The following ZNF555 variants were observed in gnomAD, a reference collection of about 807,000 sequenced individuals.
The protein encoded by ZNF555 is zinc finger protein 555.
Under a neutral mutation model 14.0 loss-of-function variants are expected in ZNF555, and 10 were observed. The observed-to-expected ratio is 0.72, with a 90% CI of 0.44 to 1.21. The LOEUF is 1.21. Ranked by LOEUF, ZNF555 falls within the 50% of genes most tolerant of loss-of-function variation. The pLI is 0.00. For synonymous variants in ZNF555, 277 were observed against 262.4 expected (o/e 1.06, Z -0.54); for missense variants, 747 against 762.0 (o/e 0.98, Z 0.23).
Position 2,857,386 on chromosome 19 carries a change from T to G in ZNF555, c.*3434T>G, listed in dbSNP as rs901807853. 1 of 152,216 alleles carries G rather than the reference T, an allele frequency of 6.6e-6. No individual in the cohort carries two copies. The highest frequency in any genetic ancestry group is 1.5e-5 in the Non-Finnish European group (1 of 68,042). The allele number at this position is 152,216 out of a possible 1,614,324, so 9.4% of individuals were successfully genotyped here. A position where few individuals can be genotyped will look rare whatever the true frequency, so the allele number is the denominator to read the frequency against. The stretch of plus-strand genomic sequence containing the variant: ...ATATTGGGCATTGTCAAGACTTAAA[T>G]TTAGAACACTGGAAAGCAAGTATAA... On this transcript the variant is annotated 3_prime_UTR_variant, in exon 4 of 4. Transcript: ENST00000334241.
rs2087657133 is a variant in ZNF555, at chr19:2,853,584, C to G, written c.1519C>G (p.Leu507Val). Residue 507 changes from leucine (L) to valine (V), a missense_variant, in exon 4 of 4, where the codon CTC becomes GTC. Coordinates refer to ENST00000334241, the MANE Select transcript of ZNF555 (RefSeq NM_152791.5). Reference protein sequence around the residue: ...KHMRRHTAEKLYKCKQCGKAF... With the variant: ...KHMRRHTAEKVYKCKQCGKAF... ...TATGAGAAGACATACCGCAGAGAAA[C>G]TCTATAAATGCAAGCAGTGTGGGAA... 4 of 1,609,380 alleles carry G rather than the reference C, an allele frequency of 2.5e-6. No homozygotes were observed. The highest frequency in any genetic ancestry group is 1.7e-4 in the Middle Eastern group (1 of 6,026).
Position 2,855,304 on chromosome 19 carries a change from A to C in ZNF555, c.*1352A>C, listed in dbSNP as rs1321966327. 3 of 152,214 alleles carry C rather than the reference A, an allele frequency of 2.0e-5. No homozygotes were observed. Among genetic ancestry groups the C allele is most frequent in the African/African-American group, 7.2e-5 (3 of 41,448 alleles). The allele number at this position is 152,214 out of a possible 1,614,324, so 9.4% of individuals were successfully genotyped here. A position where few individuals can be genotyped will look rare whatever the true frequency, so the allele number is the denominator to read the frequency against. On this transcript the variant is annotated 3_prime_UTR_variant, in exon 4 of 4. Coordinates refer to ENST00000334241, the MANE Select transcript of ZNF555 (RefSeq NM_152791.5). ...CCTGTTTAGCTGGGCACAGTAGCTC[A>C]TGCCTGTAATCCCTGCACTTTGGGA... is the stretch of plus-strand genomic sequence containing the variant.
intron 1 of ZNF555, among the ~76,000 whole-genome samples, chr19:2,842,510 C>A (rs1031411019): frequency 2.0e-5 from 3 of 152,180 alleles, no homozygotes; most frequent in Non-Finnish European, 2.9e-5. Flanking sequence ...GAAATATATT[C>A]TTTCACGGTT....
At chr19:2,841,915 G>A (rs1436223255) in intron 1 of ZNF555, among the ~76,000 whole-genome samples, 1 of 151,682 alleles carries the variant, frequency 6.6e-6, no homozygotes, top group East Asian at 1.9e-4. Flanking sequence ...GCCTCGGAGC[G>A]TTTCGCTGCG....
rs1277021587 is a variant in ZNF555 at position 2,857,496 on chromosome 19, G to C, written c.*3544G>C. Reference sequence around the variant, plus strand: ...TTTTATAAGACATGGAAAAGGCAAAGATAAGGGAAACGAACAAATCGCTGG... The same window carrying C: ...TTTTATAAGACATGGAAAAGGCAAACATAAGGGAAACGAACAAATCGCTGG... On this transcript the variant is annotated 3_prime_UTR_variant, in exon 4 of 4. Transcript: ENST00000334241. 1 of 152,198 alleles carries C rather than the reference G, an allele frequency of 6.6e-6. No homozygotes were observed. The highest frequency in any genetic ancestry group is 1.5e-5 in the Non-Finnish European group (1 of 68,040). 9.4% of individuals were successfully genotyped at this position (152,198 alleles called of 1,614,324 possible).
chr19:2,850,888 T>C (rs564644144), intron 2 of ZNF555, among the ~76,000 whole-genome samples, 175 bp downstream of exon 2: 1 of 152,350 alleles, frequency 6.6e-6, no homozygotes, highest in East Asian at 1.9e-4. Flanking sequence ...AGAATGAGAA[T>C]CTGTATTTCA....
intron 1 of ZNF555, among the ~76,000 whole-genome samples, chr19:2,846,805 G>A (rs2087585826): frequency 6.6e-6 from 1 of 152,182 alleles, no homozygotes. Context: ...AGTCCAAATT[G>A]ACAGTTAAAA....
At chr19:2,850,998 G>A (rs949728726) in intron 2 of ZNF555, among the ~76,000 whole-genome samples, 5 of 123,600 alleles carry the variant, frequency 4.0e-5, no homozygotes, top group Non-Finnish European at 8.1e-5. Flanking sequence ...GTGAAAATTT[G>A]ATTTTTTTTT....
intron 2 of ZNF555, 45 bp from the exon 3 acceptor site, chr19:2,851,423 C>T: frequency 6.7e-7 from 1 of 1,500,524 alleles, no homozygotes; most frequent in Non-Finnish European, 8.9e-7. Context: ...TCGTTTTCCG[C>T]TAACAAGTGC....
Position 2,842,711 on chromosome 19 carries a change from A to C in ZNF555, c.3+1136A>C, listed in dbSNP as rs146503338. ...TTTTTTCGAGTCAGCAGTTTTTAGG[A>C]AGTGAAACGTACATTTAATTAGTAG... is the stretch of plus-strand genomic sequence containing the variant. On this transcript the variant is annotated intron_variant, in intron 1 of 3. Transcript: ENST00000334241. 5.6e-3 allele frequency among the ~76,000 whole-genome samples: 848 copies of C among 152,208 alleles called. 11 individuals carry two copies. Among genetic ancestry groups the C allele is most frequent in the African/African-American group, 0.02 (825 of 41,512 alleles).
chr19:2,850,497 A>C (rs1568343401), intron 1 of ZNF555, 90 bp from the exon 2 acceptor site: 2 of 1,533,694 alleles, frequency 1.3e-6, no homozygotes. Context: ...GGAATCACAG[A>C]ATCTTGTTTG....
intron 1 of ZNF555, among the ~76,000 whole-genome samples, chr19:2,848,027 T>C (rs2087596332): frequency 6.6e-6 from 1 of 152,156 alleles, no homozygotes; most frequent in Non-Finnish European, 1.5e-5. Flanking sequence ...ATTAACTTTC[T>C]TTTCCCTCCC....
rs773059917 is a variant in ZNF555, at chr19:2,853,241, A to T, written c.1176A>T (p.Gly392=). Residue 392 remains glycine (G), a synonymous_variant, in exon 4 of 4, where the codon GGA becomes GGT. Coordinates refer to ENST00000334241, the MANE Select transcript of ZNF555 (RefSeq NM_152791.5). ...GAAGACATGAAAGGACTCATGGTGG[A>T]GAGAAACCCTATGAATGCAACCAGT... ...SFRRHERTHG[G]EKPYECNQCG... 8.1e-6 allele frequency: 13 copies of T among 1,614,154 alleles called. No individual in the cohort carries two copies. In the South Asian group the frequency reaches 1.2e-4, roughly 15 times the overall value.
rs756729080 is a variant in ZNF555, at chr19:2,853,641, C to A, written c.1576C>A (p.His526Asn). 1 of 1,599,724 alleles carries A rather than the reference C, an allele frequency of 6.3e-7. No individual in the cohort carries two copies. The highest frequency in any genetic ancestry group is 8.5e-7 in the Non-Finnish European group (1 of 1,173,202). The change falls in exon 4 of 4, where the codon CAT becomes AAT. Residue 526 changes from histidine (H) to asparagine (N), a missense_variant. Transcript: ENST00000334241. ...CAGTTGGCCTGAACTTTTGCAACAA[C>A]ATGTGAGAACGCACACTGTAGAGAA... ...AFSWPELLQQ[H>N]VRTHTVEKPY...
intron 3 of ZNF555, 118 bp from the exon 4 acceptor site, chr19:2,852,262 G>C: frequency 1.6e-6 from 2 of 1,236,392 alleles, no homozygotes; most frequent in Non-Finnish European, 2.3e-6. Flanking sequence ...TTTTCAGACA[G>C]TTCCCATGGG....
At position 2,858,471 on chromosome 19, in the gene ZNF555, C is replaced by A. The variant is rs1238183718; in HGVS notation, c.*4519C>A. The A allele has an allele frequency of 6.6e-6, 1 of 152,178 alleles. No individual in the cohort carries two copies. The highest frequency in any genetic ancestry group is 2.4e-5 in the African/African-American group (1 of 41,436). 9.4% of individuals were successfully genotyped at this position (152,178 alleles called of 1,614,324 possible). On this transcript the variant is annotated 3_prime_UTR_variant, in exon 4 of 4. Coordinates refer to ENST00000334241, the MANE Select transcript of ZNF555 (RefSeq NM_152791.5). The stretch of plus-strand genomic sequence containing the variant: ...ACCCTACACTTCTTCCCAGGAATAT[C>A]CTGCCTGGGAGCATCCTGATCCTGT...
chr19:2,841,644 T>G (rs1217546946), intron 1 of ZNF555, 69 bp downstream of exon 1: 1 of 1,434,288 alleles, frequency 7.0e-7, no homozygotes, highest in Non-Finnish European at 9.2e-7. Context: ...AGACCGCGGC[T>G]TGGGGGGAGC....
intron 1 of ZNF555, among the ~76,000 whole-genome samples, chr19:2,847,753 C>G (rs1018307713): frequency 6.6e-6 from 1 of 152,162 alleles, no homozygotes; most frequent in Non-Finnish European, 1.5e-5. Flanking sequence ...ATCCTATTTA[C>G]AAATAAGGTT....
Position 2,853,587 on chromosome 19 carries a change from T to C in ZNF555, c.1522T>C (p.Tyr508His). 2.5e-6 allele frequency: 4 copies of C among 1,609,444 alleles called. No homozygotes were observed. Among genetic ancestry groups the C allele is most frequent in the Non-Finnish European group, 3.4e-6 (4 of 1,177,142 alleles). Residue 508 changes from tyrosine to histidine, a missense_variant, in exon 4 of 4, where the codon TAT becomes CAT. By Grantham distance (83) the Tyr-to-His change is moderately conservative (BLOSUM62 2). Coordinates refer to ENST00000334241, the MANE Select transcript of ZNF555 (RefSeq NM_152791.5). ...HMRRHTAEKLYKCKQCGKAFS... is the reference protein window; with the variant it reads ...HMRRHTAEKLHKCKQCGKAFS... Reference sequence around the variant, plus strand: ...GAGAAGACATACCGCAGAGAAACTCTATAAATGCAAGCAGTGTGGGAAAGC... The same window carrying C: ...GAGAAGACATACCGCAGAGAAACTCCATAAATGCAAGCAGTGTGGGAAAGC...
Sources: allele counts gnomAD v4.1 joint callset (sites outside exome capture counted in the v4.1 genomes callset), GRCh38; gene constraint gnomAD v4.1.1; transcripts MANE v1.5; gene names NCBI Gene and HGNC (gene_info 2026-07-23, HGNC 2026-07-21).